NDFIP2: variants seen among roughly 807,000 people sequenced by gnomAD.
The protein encoded by NDFIP2 is NEDD4 family-interacting protein 2.
In NDFIP2, 19 loss-of-function variants were observed where a neutral mutation model predicts 36.0. That is an observed-to-expected ratio of 0.53 (90% CI 0.37 to 0.77). NDFIP2 has a LOEUF of 0.77. Ranked by LOEUF, NDFIP2 falls within the 30% of genes least tolerant of loss-of-function variation. The probability of loss-of-function intolerance (pLI) is 0.00; values close to 1 mark genes in which losing one functional copy is unlikely to be tolerated. For synonymous variants in NDFIP2, 181 were observed against 167.7 expected, an observed-to-expected ratio of 1.08 and a Z score of -0.61; for missense variants, 446 against 435.8, an observed-to-expected ratio of 1.02 and a Z score of -0.21.
chr13:79,509,686 T>TAGAGAGAG lies in NDFIP2; in HGVS notation c.322-11123_322-11122insGAGAGAGA, dbSNP rs145822478. ...AGGATGTATATTATCGATATATATA[T>TAGAGAGAG]ATATAGAGAGAGAGAGAGAGAAGTT... On this transcript the variant is annotated intron_variant, in intron 1 of 7. Coordinates refer to ENST00000218652, the MANE Select transcript of NDFIP2 (RefSeq NM_019080.3). Among the ~76,000 whole-genome samples, 249 of 110,916 alleles carry TAGAGAGAG rather than the reference T, an allele frequency of 2.2e-3. 1 individual carries two copies. The highest frequency in any genetic ancestry group is 5.2e-3 in the East Asian group (19 of 3,662). The allele number at this position is 110,916 out of a possible 152,430, so 72.8% of individuals were successfully genotyped here.
At chr13:79,490,921 A>T (rs1363865737) in intron 1 of NDFIP2, among the ~76,000 whole-genome samples, 1 of 152,166 alleles carries the variant, frequency 6.6e-6, no homozygotes, top group African/African-American at 2.4e-5. Flanking sequence ...GAGAGTGTCA[A>T]AAACAGCTTA....
chr13:79,530,421 C>T (rs575878646), intron 2 of NDFIP2, among the ~76,000 whole-genome samples: 1 of 152,264 alleles, frequency 6.6e-6, no homozygotes. Context: ...CCAGCTCCAG[C>T]TGTGGCAATT....
intron 1 of NDFIP2, among the ~76,000 whole-genome samples, chr13:79,505,223 T>C (rs1873814938): frequency 6.6e-6 from 1 of 152,170 alleles, no homozygotes; most frequent in African/African-American, 2.4e-5. Flanking sequence ...CAGAATTGCT[T>C]GTGGAAAGGT....
intron 2 of NDFIP2, among the ~76,000 whole-genome samples, chr13:79,531,246 C>T (rs576877319): frequency 6.6e-6 from 1 of 152,318 alleles, no homozygotes; most frequent in South Asian, 2.1e-4. Flanking sequence ...ATTCAGTAAA[C>T]CATGCTATAA....
At chr13:79,512,250 C>T (rs906536723) in intron 1 of NDFIP2, among the ~76,000 whole-genome samples, 9 of 152,086 alleles carry the variant, frequency 5.9e-5, no homozygotes, top group African/African-American at 2.2e-4. Flanking sequence ...AATACTACTA[C>T]GTTAGCTTGT....
At chr13:79,536,403 G>A (rs1456200705) in intron 3 of NDFIP2, among the ~76,000 whole-genome samples, 1 of 152,156 alleles carries the variant, frequency 6.6e-6, no homozygotes, top group African/African-American at 2.4e-5. Context: ...AATGACAGTT[G>A]ATTAAGTTAA....
intron 1 of NDFIP2, among the ~76,000 whole-genome samples, chr13:79,486,190 C>T (rs1872979270): frequency 1.3e-5 from 2 of 152,126 alleles, no homozygotes; most frequent in Non-Finnish European, 2.9e-5. Flanking sequence ...CTTCTGGTCC[C>T]AAGCATTTTA....
intron 1 of NDFIP2, among the ~76,000 whole-genome samples, chr13:79,504,581 A>C (rs971258294): frequency 6.6e-6 from 1 of 152,164 alleles, no homozygotes; most frequent in Non-Finnish European, 1.5e-5. Context: ...CTGATCTGTG[A>C]TTAAACATTA....
At chr13:79,512,741 G>A (rs890503926) in intron 1 of NDFIP2, among the ~76,000 whole-genome samples, 3 of 152,128 alleles carry the variant, frequency 2.0e-5, no homozygotes, top group Non-Finnish European at 4.4e-5. Flanking sequence ...TGGTTGTGGG[G>A]ATTGTTAGAA....
At chr13:79,500,598 G>A (rs1873621234) in intron 1 of NDFIP2, among the ~76,000 whole-genome samples, 1 of 151,904 alleles carries the variant, frequency 6.6e-6, no homozygotes, top group Non-Finnish European at 1.5e-5. Flanking sequence ...TTGAAATGAT[G>A]GTTAAAACAA....
intron 1 of NDFIP2, among the ~76,000 whole-genome samples, chr13:79,498,960 A>G (rs1873552565): frequency 6.6e-6 from 1 of 152,016 alleles, no homozygotes; most frequent in Admixed American, 6.6e-5. Flanking sequence ...ATTGTAAGAA[A>G]TCTACAGACC....
At chr13:79,541,180 A>C (rs1875440800) in intron 4 of NDFIP2, among the ~76,000 whole-genome samples, 1 of 151,990 alleles carries the variant, frequency 6.6e-6, no homozygotes, top group Admixed American at 6.6e-5. Flanking sequence ...TTTAGTATAA[A>C]TACCTGGTTC....
intron 2 of NDFIP2, among the ~76,000 whole-genome samples, chr13:79,521,320 T>C (rs576859534): frequency 2.6e-4 from 40 of 152,296 alleles, no homozygotes; most frequent in African/African-American, 9.6e-4. Flanking sequence ...CTACTGTTCA[T>C]CTTATTCAGG....
In NDFIP2 at chr13:79,546,747, A is replaced by G. The variant is rs562200709; in HGVS notation, c.841-1581A>G. 3.9e-5 allele frequency among the ~76,000 whole-genome samples: 6 copies of G among 152,328 alleles called. 1 individual carries two copies. In the South Asian group the frequency reaches 1.0e-3, roughly 26 times the overall value. On this transcript the variant is annotated intron_variant, in intron 5 of 7. Coordinates refer to ENST00000218652, the MANE Select transcript of NDFIP2 (RefSeq NM_019080.3). ...TGGTAAACATTTTTGGTGAAGAATG[A>G]CTGTTCTTGATGTTCAGGTTACCTG...
intron 1 of NDFIP2, among the ~76,000 whole-genome samples, chr13:79,483,427 T>C (rs1057496339): frequency 5.3e-5 from 8 of 152,142 alleles, no homozygotes; most frequent in African/African-American, 1.9e-4. Flanking sequence ...TCAATAGACT[T>C]TTTAAACTAG....
intron 1 of NDFIP2, among the ~76,000 whole-genome samples, chr13:79,489,695 G>A (rs1297840603): frequency 6.6e-6 from 1 of 152,204 alleles, no homozygotes; most frequent in Non-Finnish European, 1.5e-5. Context: ...TATTGTAAAT[G>A]TGTTAATAAC....
intron 5 of NDFIP2, among the ~76,000 whole-genome samples, chr13:79,546,077 T>G (rs948455757): frequency 1.3e-5 from 2 of 152,202 alleles, no homozygotes; most frequent in Admixed American, 1.3e-4. Context: ...TCTCAATTCA[T>G]TGCCTATTTT....
chr13:79,542,889 T>C (rs1875514580), intron 4 of NDFIP2, among the ~76,000 whole-genome samples: 2 of 152,048 alleles, frequency 1.3e-5, no homozygotes, highest in African/African-American at 2.4e-5. Context: ...TTTCCTTTTT[T>C]TTTTTGAGCC....
intron 1 of NDFIP2, among the ~76,000 whole-genome samples, chr13:79,515,085 C>T (rs540165863): frequency 1.3e-5 from 2 of 152,242 alleles, no homozygotes; most frequent in Admixed American, 6.5e-5. Context: ...TACTACATAC[C>T]TTGGCCGTAT....
Sources: allele counts gnomAD v4.1 joint callset (sites outside exome capture counted in the v4.1 genomes callset), GRCh38; gene constraint gnomAD v4.1.1; transcripts MANE v1.5; gene names NCBI Gene and HGNC (gene_info 2026-07-23, HGNC 2026-07-21).